The following ATP2B1 variants were observed in gnomAD, a reference collection of about 807,000 sequenced individuals.
ATP2B1 encodes the protein plasma membrane calcium-transporting ATPase 1.
ATP2B1 carries 14 observed loss-of-function variants against 124.2 expected under a neutral mutation model. That is an observed-to-expected ratio of 0.11 (90% CI 0.07 to 0.18). The LOEUF is 0.18. Ranked by LOEUF, ATP2B1 falls within the 10% of genes least tolerant of loss-of-function variation. The pLI, the probability that ATP2B1 is intolerant of heterozygous loss-of-function variation, is 1.00. For missense variants in ATP2B1, 763 were observed against 1,466.1 expected (o/e 0.52, Z 7.83); for synonymous variants, 449 against 492.4 (o/e 0.91, Z 1.17).
intron 1 of ATP2B1, among the ~76,000 whole-genome samples, chr12:89,680,475 C>T (rs974058420): frequency 2.0e-5 from 3 of 152,036 alleles, no homozygotes; most frequent in East Asian, 1.9e-4. Flanking sequence ...ACAAAATGCT[C>T]ATTGGAGAAC....
At position 89,589,653 on chromosome 12, in the gene ATP2B1, A is replaced by G. The variant is rs1230368233; in HGVS notation, c.*1331T>C. 2.0e-5 allele frequency: 3 copies of G among 152,110 alleles called. No individual in the cohort carries two copies. Among genetic ancestry groups the G allele is most frequent in the Non-Finnish European group, 4.4e-5 (3 of 68,012 alleles). 9.4% of individuals were successfully genotyped at this position (152,110 alleles called of 1,614,324 possible). Reference sequence around the variant, plus strand: ...AATTTTCTTAATCTGATTCTATTAGATTACCAGCAAGGAATTAAAGCGGTA... The same window carrying G: ...AATTTTCTTAATCTGATTCTATTAGGTTACCAGCAAGGAATTAAAGCGGTA... On this transcript the variant is annotated 3_prime_UTR_variant, in exon 21 of 21. Coordinates refer to ENST00000428670, the MANE Select transcript of ATP2B1 (RefSeq NM_001366521.1).
At chr12:89,656,400 T>C (rs981794754) in intron 1 of ATP2B1, among the ~76,000 whole-genome samples, 4 of 152,194 alleles carry the variant, frequency 2.6e-5, no homozygotes, top group Admixed American at 6.5e-5. Flanking sequence ...CCAAGCACTA[T>C]GCTAGTTGTT....
At position 89,624,505 on chromosome 12, in the gene ATP2B1, TTGAA is replaced by T; in HGVS notation, c.1130-112_1130-109del. ...AAGAGTTATAACTTGCTTGATAGTA[TTGAA>T]TTTCTCTGAGAAATTACTTCTTTCT... On this transcript the variant is annotated intron_variant, in intron 8 of 20. Coordinates refer to ENST00000428670, the MANE Select transcript of ATP2B1 (RefSeq NM_001366521.1). 3 of 908,110 alleles carry T rather than the reference TTGAA, an allele frequency of 3.3e-6. No homozygotes were observed. The South Asian group carries it at 5.5e-5, about 17-fold the overall frequency. The allele number at this position is 908,110 out of a possible 1,614,324, so 56.3% of individuals were successfully genotyped here.
intron 2 of ATP2B1, among the ~76,000 whole-genome samples, chr12:89,645,806 T>A (rs1884360385): frequency 1.3e-5 from 2 of 152,304 alleles, no homozygotes; most frequent in East Asian, 3.9e-4. Context: ...CATTCTCACC[T>A]TAAAGTGCAA....
chr12:89,673,890 A>C (rs902381931), intron 1 of ATP2B1, among the ~76,000 whole-genome samples: 4 of 152,236 alleles, frequency 2.6e-5, no homozygotes, highest in African/African-American at 9.6e-5. Flanking sequence ...GGAGATAAAC[A>C]ACAAGTAACA....
At chr12:89,650,143 A>G (rs888204441) in intron 2 of ATP2B1, among the ~76,000 whole-genome samples, 4 of 152,190 alleles carry the variant, frequency 2.6e-5, no homozygotes, top group Admixed American at 2.6e-4. Flanking sequence ...GGAGTAACAC[A>G]GTCTGTATCA....
At chr12:89,679,130 A>G (rs1236415420) in intron 1 of ATP2B1, among the ~76,000 whole-genome samples, 1 of 152,108 alleles carries the variant, frequency 6.6e-6, no homozygotes, top group Non-Finnish European at 1.5e-5. Context: ...AGCTTTTGGA[A>G]AAAAAAGGAC....
At chr12:89,624,064 T>C in intron 9 of ATP2B1, 119 bp downstream of exon 9, 1 of 840,646 alleles carries the variant, frequency 1.2e-6, no homozygotes, top group South Asian at 1.8e-5. Flanking sequence ...GAGAAAATAG[T>C]GTACATTTAT....
chr12:89,613,129 G>A (rs1477416650), intron 12 of ATP2B1, among the ~76,000 whole-genome samples: 10 of 151,894 alleles, frequency 6.6e-5, no homozygotes, highest in South Asian at 6.2e-4. Flanking sequence ...ACAGGTACAC[G>A]CCACCATGCA....
At chr12:89,596,327 G>C (rs1255068791) in intron 20 of ATP2B1, among the ~76,000 whole-genome samples, 3 of 152,110 alleles carry the variant, frequency 2.0e-5, no homozygotes, top group East Asian at 1.9e-4. Flanking sequence ...CCCTTCATAA[G>C]ACAATTCACC....
intron 1 of ATP2B1, among the ~76,000 whole-genome samples, chr12:89,669,191 A>G (rs1887647557): frequency 6.6e-6 from 1 of 152,072 alleles, no homozygotes; most frequent in African/African-American, 2.4e-5. Flanking sequence ...TTAAACTGTA[A>G]GCTGAGGGCA....
At chr12:89,635,905 G>C (rs1882612617) in intron 3 of ATP2B1, among the ~76,000 whole-genome samples, 1 of 152,158 alleles carries the variant, frequency 6.6e-6, no homozygotes, top group African/African-American at 2.4e-5. Flanking sequence ...TAGTGAGTAA[G>C]ACACACAAGC....
chr12:89,613,729 T>C (rs1232709599), intron 12 of ATP2B1, among the ~76,000 whole-genome samples: 1 of 152,194 alleles, frequency 6.6e-6, no homozygotes, highest in Admixed American at 6.5e-5. Context: ...TAAAACTATG[T>C]GGCAAATAAT....
intron 1 of ATP2B1, among the ~76,000 whole-genome samples, chr12:89,670,755 T>C (rs1226318408): frequency 6.6e-6 from 1 of 152,090 alleles, no homozygotes; most frequent in Non-Finnish European, 1.5e-5. Context: ...AAAAAATTAA[T>C]AATAAATGCA....
chr12:89,657,085 C>A (rs1468015312), intron 1 of ATP2B1, among the ~76,000 whole-genome samples: 5 of 152,182 alleles, frequency 3.3e-5, no homozygotes, highest in Non-Finnish European at 7.4e-5. Flanking sequence ...AGTTAACATG[C>A]CCAACAATGG....
In ATP2B1 at chr12:89,619,991, A is replaced by C; in HGVS notation, c.1829+8T>G. On this transcript the variant is annotated splice_region_variant and intron_variant, in intron 11 of 20. Coordinates refer to ENST00000428670, the MANE Select transcript of ATP2B1 (RefSeq NM_001366521.1). The stretch of plus-strand genomic sequence containing the variant: ...AGCAATTTATTCATCCAAGCATTTT[A>C]CTCTTACTTTTTCAGAATTATCTCA... The C allele has an allele frequency of 1.2e-6, 2 of 1,613,004 alleles. No homozygotes were observed. The highest frequency in any genetic ancestry group is 1.7e-6 in the Non-Finnish European group (2 of 1,179,256).
chr12:89,674,886 T>TA (rs2136560612), intron 1 of ATP2B1, among the ~76,000 whole-genome samples: 1 of 152,234 alleles, frequency 6.6e-6, no homozygotes, highest in Non-Finnish European at 1.5e-5. Context: ...AAACAAAAAA[T>TA]AGACTACCAA....
chr12:89,653,701 A>G (rs983235907), intron 2 of ATP2B1, among the ~76,000 whole-genome samples: 1 of 152,136 alleles, frequency 6.6e-6, no homozygotes, highest in Middle Eastern at 3.2e-3. Flanking sequence ...AATTTTAAAA[A>G]CCACTGTACT....
chr12:89,636,766 C>T (rs1411754777), intron 3 of ATP2B1, among the ~76,000 whole-genome samples: 2 of 152,120 alleles, frequency 1.3e-5, no homozygotes, highest in African/African-American at 4.8e-5. Flanking sequence ...CTGAGAACCA[C>T]CAGCAGGATT....
Sources: gnomAD v4.1 joint callset for allele counts (sites outside exome capture counted in the v4.1 genomes callset) on GRCh38, gnomAD v4.1.1 for gene constraint, MANE v1.5 for transcripts, NCBI Gene and HGNC (gene_info 2026-07-23, HGNC 2026-07-21) for gene names.